Variants in PPARGC1A observed in about 807,000 individuals in gnomAD.
The protein encoded by PPARGC1A is PPARG coactivator 1 alpha, also known as peroxisome proliferator-activated receptor gamma coactivator 1-alpha.
A neutral mutation model predicts 88.7 loss-of-function variants in PPARGC1A; 25 were observed. That is an observed-to-expected ratio of 0.28 (90% CI 0.21 to 0.39). The LOEUF (loss-of-function observed/expected upper bound fraction) is 0.39. Among genes scored for constraint, PPARGC1A ranks in the 10% least tolerant of loss-of-function variants. The probability of loss-of-function intolerance (pLI) is 1.00; values close to 1 mark genes in which losing one functional copy is unlikely to be tolerated. For missense variants in PPARGC1A, 880 were observed against 968.7 expected, an observed-to-expected ratio of 0.91 and a Z score of 1.22; for synonymous variants, 363 against 355.6, an observed-to-expected ratio of 1.02 and a Z score of -0.24.
chr4:24,141,611 G>A, the PPARGC1A span, among the ~76,000 whole-genome samples: 2,186 of 152,274 alleles, frequency 0.014, 53 homozygotes, highest in African/African-American at 0.049. Context: ...CCCTTCCAAT[G>A]CCACAGCTAT....
the PPARGC1A span, among the ~76,000 whole-genome samples, chr4:23,994,107 A>G: frequency 0.019 from 2,842 of 152,294 alleles, 85 homozygotes; most frequent in African/African-American, 0.064. Flanking sequence ...CAATAAGCTG[A>G]GGATTTGAAT....
At chr4:23,909,099 G>A in the PPARGC1A span, among the ~76,000 whole-genome samples, 3 of 152,088 alleles carry the variant, frequency 2.0e-5, no homozygotes, top group Non-Finnish European at 4.4e-5. Context: ...GATCAGCCAG[G>A]GTCTTGAAAA....
chr4:23,874,121 CTATT>C (rs1193145820), intron 2 of PPARGC1A, among the ~76,000 whole-genome samples: 11 of 152,196 alleles, frequency 7.2e-5, no homozygotes, highest in African/African-American at 2.4e-4. Flanking sequence ...GAATATGACT[CTATT>C]TATGTGACAG....
At chr4:24,123,520 C>T in the PPARGC1A span, among the ~76,000 whole-genome samples, 4 of 151,892 alleles carry the variant, frequency 2.6e-5, no homozygotes, top group Non-Finnish European at 5.9e-5. Flanking sequence ...GACAAAGCCC[C>T]GATTATCAAG....
At chr4:24,214,981 C>T in the PPARGC1A span, among the ~76,000 whole-genome samples, 6 of 152,298 alleles carry the variant, frequency 3.9e-5, no homozygotes, top group South Asian at 8.3e-4. Flanking sequence ...CTCTAAGTCA[C>T]GGGTCCTTAA....
chr4:24,385,538 C>T, the PPARGC1A span, among the ~76,000 whole-genome samples: 1 of 152,030 alleles, frequency 6.6e-6, no homozygotes, highest in South Asian at 2.1e-4. Flanking sequence ...CAAATAGACA[C>T]AATAAAAATG....
Position 23,824,275 on chromosome 4 carries a change from C to A in PPARGC1A, c.877+5G>T. Reference sequence around the variant, plus strand: ...CACAAGTTCTAAGTGAAATATAAGGCTTACCTGCAGTTCCAGAGAGTTCCA... The same window carrying A: ...CACAAGTTCTAAGTGAAATATAAGGATTACCTGCAGTTCCAGAGAGTTCCA... On this transcript the variant is annotated splice_donor_5th_base_variant and intron_variant, in intron 7 of 12. Transcript: ENST00000264867. 1 of 1,611,040 alleles carries A rather than the reference C, an allele frequency of 6.2e-7. No individual in the cohort carries two copies. Among genetic ancestry groups the A allele is most frequent in the South Asian group, 1.1e-5 (1 of 91,018 alleles).
chr4:24,057,243 G>C, the PPARGC1A span, among the ~76,000 whole-genome samples: 75 of 152,276 alleles, frequency 4.9e-4, no homozygotes, highest in African/African-American at 1.8e-3. Context: ...AAAATACCTA[G>C]AGTAGTCAAT....
chr4:23,940,693 A>G, the PPARGC1A span, among the ~76,000 whole-genome samples: 4 of 152,202 alleles, frequency 2.6e-5, no homozygotes, highest in Non-Finnish European at 5.9e-5. Flanking sequence ...CAATTACTCC[A>G]TGAAATGTTT....
Position 23,850,266 on chromosome 4 carries a change from T to G in PPARGC1A, c.235-18515A>C, listed in dbSNP as rs369138965. Among the ~76,000 whole-genome samples, 6 of 152,344 alleles carry G rather than the reference T, an allele frequency of 3.9e-5. No individual in the cohort carries two copies. In the South Asian group the frequency reaches 1.2e-3, roughly 32 times the overall value. On this transcript the variant is annotated intron_variant, in intron 2 of 12. Transcript: ENST00000264867. The stretch of plus-strand genomic sequence containing the variant: ...AGGTTTAATCACCACTTGCAATGCT[T>G]GTACTGCTTCTTATACATTGCCAAG...
chr4:23,879,254 G>C (rs891146828), intron 2 of PPARGC1A, among the ~76,000 whole-genome samples: 1 of 152,106 alleles, frequency 6.6e-6, no homozygotes, highest in Admixed American at 6.5e-5. Flanking sequence ...AGAAAAGTCT[G>C]TCTGACCACA....
At chr4:24,454,006 C>T in the PPARGC1A span, among the ~76,000 whole-genome samples, 310 of 152,076 alleles carry the variant, frequency 2.0e-3, no homozygotes, top group African/African-American at 7.2e-3. Context: ...GGCCTCAAGA[C>T]GCCTTGCAAG....
chr4:23,964,570 T>C, the PPARGC1A span, among the ~76,000 whole-genome samples: 1 of 152,180 alleles, frequency 6.6e-6, no homozygotes, highest in Non-Finnish European at 1.5e-5. Flanking sequence ...ATGGCTAATA[T>C]GCAGGTGGTA....
chr4:24,023,742 G>T, the PPARGC1A span, among the ~76,000 whole-genome samples: 8 of 152,162 alleles, frequency 5.3e-5, no homozygotes, highest in Admixed American at 1.3e-4. Flanking sequence ...TCCTCTGGCT[G>T]CATCAAAGCT....
the PPARGC1A span, among the ~76,000 whole-genome samples, chr4:23,936,741 C>T: frequency 1.3e-5 from 2 of 152,112 alleles, no homozygotes; most frequent in African/African-American, 2.4e-5. Context: ...CGTCTTGGTG[C>T]GTGCCTGTAA....
the PPARGC1A span, among the ~76,000 whole-genome samples, chr4:24,161,163 T>A: frequency 4.6e-5 from 7 of 152,192 alleles, no homozygotes; most frequent in African/African-American, 1.7e-4. Flanking sequence ...GAAGGAAGAA[T>A]ATAGCATTGT....
intron 1 of PPARGC1A, chr4:23,888,915 G>A (rs907865729): frequency 1.0e-6 from 1 of 982,158 alleles, no homozygotes; most frequent in Admixed American, 6.2e-5. Flanking sequence ...GATCCTCCAT[G>A]CAATTCAATT....
chr4:24,162,465 G>C, the PPARGC1A span, among the ~76,000 whole-genome samples: 1 of 152,166 alleles, frequency 6.6e-6, no homozygotes, highest in Non-Finnish European at 1.5e-5. Flanking sequence ...TTGGACAAGT[G>C]AGCCAAGCTT....
the PPARGC1A span, among the ~76,000 whole-genome samples, chr4:24,108,314 C>T: frequency 2.6e-5 from 4 of 152,158 alleles, no homozygotes; most frequent in East Asian, 7.7e-4. Context: ...ACAAGTGTTC[C>T]TAGCTGAATT....
Sources: allele counts gnomAD v4.1 joint callset (sites outside exome capture counted in the v4.1 genomes callset), GRCh38; gene constraint gnomAD v4.1.1; transcripts MANE v1.5; gene names NCBI Gene and HGNC (gene_info 2026-07-23, HGNC 2026-07-21).